Variants in TIAM2 observed in about 807,000 individuals in gnomAD.
The protein encoded by TIAM2 is rho guanine nucleotide exchange factor TIAM2.
TIAM2 carries 80 observed loss-of-function variants against 152.9 expected under a neutral mutation model. That is an observed-to-expected ratio of 0.52 (90% confidence interval 0.44 to 0.63). The LOEUF is 0.63. Ranked by LOEUF, TIAM2 falls within the 30% of genes least tolerant of loss-of-function variation. TIAM2 has a pLI of 0.00. For synonymous variants in TIAM2, 804 were observed against 838.0 expected, an observed-to-expected ratio of 0.96 and a Z score of 0.70; for missense variants, 1,965 against 2,120.1, an observed-to-expected ratio of 0.93 and a Z score of 1.44.
intron 1 of TIAM2, among the ~76,000 whole-genome samples, chr6:155,079,521 T>C (rs1181286440): frequency 6.6e-6 from 1 of 152,220 alleles, no homozygotes; most frequent in Non-Finnish European, 1.5e-5. Context: ...TGCTAGAAAT[T>C]GGGACAAATG....
chr6:155,176,656 A>T (rs1012425611), intron 9 of TIAM2, among the ~76,000 whole-genome samples, 160 bp from the exon 10 acceptor site: 36 of 152,362 alleles, frequency 2.4e-4, no homozygotes, highest in Non-Finnish European at 1.0e-4. Context: ...AAAATGAGTG[A>T]GGAAACGTTG....
intron 1 of TIAM2, among the ~76,000 whole-genome samples, chr6:155,028,449 T>C (rs1366896224): frequency 7.2e-6 from 1 of 139,704 alleles, no homozygotes; most frequent in Non-Finnish European, 1.5e-5. Flanking sequence ...GTGTTACATA[T>C]ACTACATATA....
chr6:155,219,113 T>C (rs1044636647), intron 15 of TIAM2, among the ~76,000 whole-genome samples: 5 of 151,986 alleles, frequency 3.3e-5, no homozygotes, highest in Admixed American at 3.3e-4. Flanking sequence ...GTGTCAGTGG[T>C]CAACTTCTCC....
chr6:155,213,002 G>A lies in TIAM2; in HGVS notation c.3168+1695G>A, dbSNP rs1035104095. ...AAGCTTGGAGATGCCAGGAACCGCTGAGCCCCAAAGAGGGTGGCATAGCCC... is the reference window on the plus strand; with the variant it reads ...AAGCTTGGAGATGCCAGGAACCGCTAAGCCCCAAAGAGGGTGGCATAGCCC... On this transcript the variant is annotated intron_variant, in intron 15 of 26. Coordinates refer to ENST00000682666, the MANE Select transcript of TIAM2 (RefSeq NM_012454.4). The surrounding 1 kb of genome is among the most constrained non-coding windows in gnomAD (Gnocchi z 4.2). Among the ~76,000 whole-genome samples, 1 of 152,164 alleles carries A rather than the reference G, an allele frequency of 6.6e-6. No individual in the cohort carries two copies. The highest frequency in any genetic ancestry group is 3.2e-3 in the Middle Eastern group (1 of 316).
rs139741447 is a variant in TIAM2 at position 155,193,665 on chromosome 6, T to C, written c.3064+10165T>C. ...ATGTTTTTCCTCAATGCTACGATTG[T>C]GCTTGGGTATGCAGCTGACGAGTTG... On this transcript the variant is annotated intron_variant, in intron 14 of 26. Transcript: ENST00000682666. Among the ~76,000 whole-genome samples, 223 of 152,346 alleles carry C rather than the reference T, an allele frequency of 1.5e-3. 2 individuals carry two copies. The highest frequency in any genetic ancestry group is 5.0e-3 in the African/African-American group (207 of 41,590).
At position 155,171,314 on chromosome 6, in the gene TIAM2, G is replaced by A. The variant is rs375747921; in HGVS notation, c.2362-5502G>A. ...AAAATGAAAGCTTTTCATAACGAAC[G>A]TCTGGATGAGTAATAGTGAGTCTTA... On this transcript the variant is annotated intron_variant, in intron 9 of 26. Transcript: ENST00000682666. Among the ~76,000 whole-genome samples, 47 of 152,280 alleles carry A rather than the reference G, an allele frequency of 3.1e-4. No individual in the cohort carries two copies. The East Asian group carries it at 8.7e-3, about 28-fold the overall frequency.
chr6:155,105,810 C>T (rs947071207), intron 2 of TIAM2, among the ~76,000 whole-genome samples: 1 of 151,686 alleles, frequency 6.6e-6, no homozygotes, highest in Non-Finnish European at 1.5e-5. Context: ...CATGTTTGTC[C>T]GGGATAATTT....
rs1779577784 is a variant in TIAM2, at chr6:155,137,318, A to G, written c.1336A>G (p.Thr446Ala). The change falls in exon 5 of 27, where the codon ACA (threonine) becomes GCA (alanine). Residue 446 changes from threonine to alanine, a missense_variant. Thr to Ala is a moderately conservative substitution (Grantham distance 58, BLOSUM62 0). Transcript: ENST00000682666. ...TQILSQRSES[T>A]HAIGSDPLRQ... ...GATCCTGTCTCAGAGAAGTGAATCC[A>G]CACATGCGATTGGCAGCGATCCCCT... is the stretch of plus-strand genomic sequence containing the variant. 7.4e-6 allele frequency: 12 copies of G among 1,614,246 alleles called. No homozygotes were observed. The highest frequency in any genetic ancestry group is 1.6e-4 in the Middle Eastern group (1 of 6,062).
Position 155,134,141 on chromosome 6 carries a change from C to T in TIAM2, c.1195-3036C>T, listed in dbSNP as rs1218851415. Reference sequence around the variant, plus strand: ...AAGTCACTTGTATGGAAATGGAAATCGTATGATTTGTGTGTGTGTGTATAT... The same window carrying T: ...AAGTCACTTGTATGGAAATGGAAATTGTATGATTTGTGTGTGTGTGTATAT... On this transcript the variant is annotated intron_variant, in intron 4 of 26. Coordinates refer to ENST00000682666, the MANE Select transcript of TIAM2 (RefSeq NM_012454.4). Among the ~76,000 whole-genome samples, 18 of 130,156 alleles carry T rather than the reference C, an allele frequency of 1.4e-4. No individual in the cohort carries two copies. In the Admixed American group the frequency reaches 1.5e-3, roughly 11 times the overall value. 85.4% of individuals were successfully genotyped at this position (130,156 alleles called of 152,430 possible). A position where few individuals can be genotyped will look rare whatever the true frequency, so the allele number is the denominator to read the frequency against.
At chr6:155,005,471 C>T (rs142255493) in intron 1 of TIAM2, among the ~76,000 whole-genome samples, 8,473 of 151,672 alleles carry the variant, frequency 0.056, 715 homozygotes, top group African/African-American at 0.18. Context: ...TCCTGAGTAG[C>T]TAGGACTACA....
intron 7 of TIAM2, among the ~76,000 whole-genome samples, chr6:155,163,315 C>T (rs1047420366): frequency 1.3e-5 from 2 of 152,186 alleles, no homozygotes; most frequent in African/African-American, 2.4e-5. Context: ...CTGTTCTTCT[C>T]GTTCTTCTGC....
chr6:155,164,135 T>TTTTTTG (rs757019707), intron 7 of TIAM2, among the ~76,000 whole-genome samples: 5 of 83,206 alleles, frequency 6.0e-5, no homozygotes, highest in African/African-American at 2.1e-4. Context: ...ATTTTTGTGT[T>TTTTTTG]TTTTTTTTTT....
chr6:155,180,730 A>G (rs1221820616), intron 12 of TIAM2, among the ~76,000 whole-genome samples: 3 of 151,966 alleles, frequency 2.0e-5, no homozygotes, highest in African/African-American at 4.8e-5. Context: ...CAGCCTCCCA[A>G]GTAGCTGGGA....
chr6:155,121,935 A>C (rs1779162334), intron 2 of TIAM2: 1 of 152,518 alleles, frequency 6.6e-6, no homozygotes, highest in African/African-American at 2.4e-5. Flanking sequence ...CAGTTGCTCC[A>C]TCTGGGCAGC....
chr6:155,245,493 A>G (rs1383593086), intron 18 of TIAM2, 130 bp from the exon 19 acceptor site: 1 of 740,354 alleles, frequency 1.4e-6, no homozygotes. Context: ...GTGTGGATGG[A>G]GCAGGTTTGA....
chr6:155,233,683 TAAAGGCC>T (rs1782586256), intron 15 of TIAM2, among the ~76,000 whole-genome samples: 1 of 152,104 alleles, frequency 6.6e-6, no homozygotes, highest in Admixed American at 6.5e-5. Flanking sequence ...AAACCTGAAC[TAAAGGCC>T]CGGCATGGTG....
chr6:155,170,212 T>C (rs1780550540), intron 9 of TIAM2, among the ~76,000 whole-genome samples: 1 of 113,404 alleles, frequency 8.8e-6, no homozygotes, highest in Non-Finnish European at 2.0e-5. Context: ...ATATAGTTTA[T>C]ATATGCCCTA....
chr6:155,245,072 A>G (rs1783243090), intron 18 of TIAM2, among the ~76,000 whole-genome samples: 1 of 152,160 alleles, frequency 6.6e-6, no homozygotes, highest in Admixed American at 6.5e-5. Context: ...AGGATATCCA[A>G]GGTGGTTGCT....
At chr6:155,114,791 A>G (rs985127250) in intron 2 of TIAM2, among the ~76,000 whole-genome samples, 1 of 152,146 alleles carries the variant, frequency 6.6e-6, no homozygotes, top group Non-Finnish European at 1.5e-5. Context: ...AGGGGCATGG[A>G]TTGATCAGAA....
Sources: gnomAD v4.1 joint callset for allele counts (sites outside exome capture counted in the v4.1 genomes callset) on GRCh38, gnomAD v4.1.1 for gene constraint, Gnocchi (gnomAD v3.1) non-coding constraint, MANE v1.5 for transcripts, NCBI Gene and HGNC (gene_info 2026-07-23, HGNC 2026-07-21) for gene names.